Variants in SHE observed in about 807,000 individuals in gnomAD.
The protein encoded by SHE is Src homology 2 domain containing E.
SHE carries 11 observed loss-of-function variants against 49.8 expected under a neutral mutation model. That is an observed-to-expected ratio of 0.22 (90% confidence interval 0.14 to 0.37). The LOEUF (loss-of-function observed/expected upper bound fraction) is 0.37, where lower values mean the gene tolerates loss of function less well. Among genes scored for constraint, SHE ranks in the 10% least tolerant of loss-of-function variants. The probability of loss-of-function intolerance (pLI) is 1.00; values close to 1 mark genes in which losing one functional copy is unlikely to be tolerated. For missense variants in SHE, 624 were observed against 655.5 expected (o/e 0.95, Z 0.52); for synonymous variants, 310 against 278.1 (o/e 1.11, Z -1.14).
intron 2 of SHE, among the ~76,000 whole-genome samples, chr1:154,494,702 T>C (rs1692471211): frequency 6.6e-6 from 1 of 152,172 alleles, no homozygotes; most frequent in Admixed American, 6.5e-5. Context: ...TTTTCAGTTG[T>C]GTAATTTGAA....
In SHE at chr1:154,485,932, G is replaced by A. The variant is rs1445860086; in HGVS notation, c.1301+11C>T. 1 of 1,612,404 alleles carries A rather than the reference G, an allele frequency of 6.2e-7. No individual in the cohort carries two copies. On this transcript the variant is annotated intron_variant, in intron 5 of 5. Transcript: ENST00000304760. Reference sequence around the variant, plus strand: ...CCCTTGGAGATGAGGAAAGCCATGGGGCTTACTTACTTTAGGGCAATGGAG... The same window carrying A: ...CCCTTGGAGATGAGGAAAGCCATGGAGCTTACTTACTTTAGGGCAATGGAG...
chr1:154,489,591 A>G (rs999793061), intron 2 of SHE, among the ~76,000 whole-genome samples: 2 of 152,220 alleles, frequency 1.3e-5, no homozygotes, highest in Admixed American at 1.3e-4. Context: ...GAGTCAGATA[A>G]TGGGATCCAC....
In SHE at chr1:154,479,657, T is replaced by G; in HGVS notation, c.*4492A>C. ...ATTACATACAATCTTCAAACATTTTTAAAAGTTGAAACTATGTATTAGTTG... is the reference window on the plus strand; with the variant it reads ...ATTACATACAATCTTCAAACATTTTGAAAAGTTGAAACTATGTATTAGTTG... On this transcript the variant is annotated 3_prime_UTR_variant, in exon 6 of 6. Coordinates refer to ENST00000304760, the MANE Select transcript of SHE (RefSeq NM_001010846.3). 2 of 975,544 alleles carry G rather than the reference T, an allele frequency of 2.1e-6. No individual in the cohort carries two copies. Among genetic ancestry groups the G allele is most frequent in the African/African-American group, 3.5e-5 (2 of 57,194 alleles). 60.4% of individuals were successfully genotyped at this position (975,544 alleles called of 1,614,324 possible).
In SHE at chr1:154,480,022, C is replaced by T. The variant is rs553662855; in HGVS notation, c.*4127G>A. ...CTCTTTTCCCATTAGATGGCAGTAA[C>T]GCACCATCTCTCTTCACACAGGGTC... On this transcript the variant is annotated 3_prime_UTR_variant, in exon 6 of 6. Coordinates refer to ENST00000304760, the MANE Select transcript of SHE (RefSeq NM_001010846.3). 5 of 985,340 alleles carry T rather than the reference C, an allele frequency of 5.1e-6. No homozygotes were observed. Among genetic ancestry groups the T allele is most frequent in the Non-Finnish European group, 6.0e-6 (5 of 829,950 alleles). 61.0% of individuals were successfully genotyped at this position (985,340 alleles called of 1,614,324 possible). A position where few individuals can be genotyped will look rare whatever the true frequency, so the allele number is the denominator to read the frequency against.
chr1:154,487,900 A>G (rs1242085331), intron 3 of SHE, among the ~76,000 whole-genome samples: 1 of 151,254 alleles, frequency 6.6e-6, no homozygotes, highest in Admixed American at 6.6e-5. Context: ...CTTGCCATCA[A>G]ATATATTACC....
At position 154,484,097 on chromosome 1, in the gene SHE, CTGA is replaced by C. The variant is rs1692097689; in HGVS notation, c.*49_*51del. On this transcript the variant is annotated 3_prime_UTR_variant, in exon 6 of 6. Coordinates refer to ENST00000304760, the MANE Select transcript of SHE (RefSeq NM_001010846.3). ...TGTCCTCTGAGATGCTGGTTGTGCG[CTGA>C]TGATGCCCTTGAAGGTGCCAGAGGC... 3 of 1,581,140 alleles carry C rather than the reference CTGA, an allele frequency of 1.9e-6. No homozygotes were observed. The African/African-American group carries it at 4.0e-5, about 21-fold the overall frequency.
At chr1:154,499,437 A>G (rs140487248) in intron 1 of SHE, among the ~76,000 whole-genome samples, 199 bp from the exon 2 acceptor site, 88 of 152,318 alleles carry the variant, frequency 5.8e-4, no homozygotes, top group African/African-American at 2.0e-3. Context: ...TTGATTTGCA[A>G]CAATTCATCT....
chr1:154,477,667 G>T (rs773540186), downstream of SHE, among the ~76,000 whole-genome samples: 2 of 151,988 alleles, frequency 1.3e-5, no homozygotes, highest in African/African-American at 2.4e-5. Context: ...AAGGCTGGTG[G>T]ATCACATGAG....
chr1:154,480,574 C>G lies in SHE; in HGVS notation c.*3575G>C, dbSNP rs558667118. The G allele has an allele frequency of 8.1e-6, 8 of 985,496 alleles. No individual in the cohort carries two copies. In the Admixed American group the frequency reaches 3.1e-4, roughly 38 times the overall value. The allele number at this position is 985,496 out of a possible 1,614,324, so 61.0% of individuals were successfully genotyped here. Reference sequence around the variant, plus strand: ...GCTACCTGCCCACCTCCCCATCCTGCGGCAGAGGCTAGTACACAAATACCA... The same window carrying G: ...GCTACCTGCCCACCTCCCCATCCTGGGGCAGAGGCTAGTACACAAATACCA... On this transcript the variant is annotated 3_prime_UTR_variant, in exon 6 of 6. Coordinates refer to ENST00000304760, the MANE Select transcript of SHE (RefSeq NM_001010846.3).
At position 154,480,097 on chromosome 1, in the gene SHE, T is replaced by A; in HGVS notation, c.*4052A>T. On this transcript the variant is annotated 3_prime_UTR_variant, in exon 6 of 6. Coordinates refer to ENST00000304760, the MANE Select transcript of SHE (RefSeq NM_001010846.3). The stretch of plus-strand genomic sequence containing the variant: ...AAGGCCCACTGCACAGCAGGCCAAG[T>A]TTCTCTAGTCCACGTTAGTGGGGCA... 5.1e-6 allele frequency: 5 copies of A among 985,502 alleles called. No homozygotes were observed. The highest frequency in any genetic ancestry group is 6.0e-6 in the Non-Finnish European group (5 of 829,944). The allele number at this position is 985,502 out of a possible 1,614,324, so 61.0% of individuals were successfully genotyped here.
intron 4 of SHE, 81 bp from the exon 5 acceptor site, chr1:154,486,143 T>C: frequency 6.4e-7 from 1 of 1,561,206 alleles, no homozygotes; most frequent in Non-Finnish European, 8.7e-7. Flanking sequence ...CCATAAAGCG[T>C]TGTTTGAAAT....
At chr1:154,499,437 ACAATT>A (rs770002400) in intron 1 of SHE, among the ~76,000 whole-genome samples, 199 bp from the exon 2 acceptor site, 4 of 152,200 alleles carry the variant, frequency 2.6e-5, no homozygotes, top group Non-Finnish European at 4.4e-5. Context: ...TTGATTTGCA[ACAATT>A]CATCTAACTC....
At chr1:154,485,866 A>G (rs1476848126) in intron 5 of SHE, 77 bp downstream of exon 5, 9 of 1,547,952 alleles carry the variant, frequency 5.8e-6, no homozygotes, top group Non-Finnish European at 8.0e-6. Context: ...CCTTCACAGT[A>G]TGTTTTTTTT....
At chr1:154,471,386 A>G in intron 1 of SHE, among the ~76,000 whole-genome samples, 1 of 152,032 alleles carries the variant, frequency 6.6e-6, no homozygotes, top group East Asian at 1.9e-4. Flanking sequence ...AGAAAAGAGG[A>G]AGAAGTACAT....
downstream of SHE, among the ~76,000 whole-genome samples, chr1:154,478,981 G>T (rs777075294): frequency 2.0e-5 from 3 of 152,204 alleles, no homozygotes; most frequent in Non-Finnish European, 2.9e-5. Flanking sequence ...GACCTGACGT[G>T]AATTTATTTG....
intron 3 of SHE, among the ~76,000 whole-genome samples, 181 bp downstream of exon 3, chr1:154,488,870 C>G (rs1692267836): frequency 6.6e-6 from 1 of 152,232 alleles, no homozygotes; most frequent in African/African-American, 2.4e-5. Flanking sequence ...CAGGCGCAAG[C>G]CACCGTGCCC....
At chr1:154,486,793 C>G (rs1316209481) in intron 3 of SHE, 110 bp from the exon 4 acceptor site, 2 of 1,261,390 alleles carry the variant, frequency 1.6e-6, no homozygotes, top group Non-Finnish European at 2.2e-6. Context: ...GCATTTTCCC[C>G]CTTTAACATT....
Position 154,482,249 on chromosome 1 carries a change from C to G in SHE, c.*1900G>C, listed in dbSNP as rs1162132653. 1.0e-5 allele frequency: 9 copies of G among 865,428 alleles called. No homozygotes were observed. The Admixed American group carries it at 1.9e-4, about 18-fold the overall frequency. 53.6% of individuals were successfully genotyped at this position (865,428 alleles called of 1,614,324 possible). On this transcript the variant is annotated 3_prime_UTR_variant, in exon 6 of 6. Coordinates refer to ENST00000304760, the MANE Select transcript of SHE (RefSeq NM_001010846.3). The stretch of plus-strand genomic sequence containing the variant: ...GGCTGGTCTCAAACTCCTGACCTCA[C>G]GTGATCTGCCTGCCTCAGCCTCCCA...
intron 2 of SHE, among the ~76,000 whole-genome samples, chr1:154,493,377 T>C (rs1692425854): frequency 6.6e-6 from 1 of 152,188 alleles, no homozygotes; most frequent in African/African-American, 2.4e-5. Context: ...AAGCCGACCC[T>C]TCCTGCAGGG....
Sources: gnomAD v4.1 joint callset for allele counts (sites outside exome capture counted in the v4.1 genomes callset) on GRCh38, gnomAD v4.1.1 for gene constraint, MANE v1.5 for transcripts, NCBI Gene and HGNC (gene_info 2026-07-23, HGNC 2026-07-21) for gene names.